The following BICC1 variants were observed in gnomAD, a reference collection of about 807,000 sequenced individuals.
The protein encoded by BICC1 is protein bicaudal C homolog 1.
A neutral mutation model predicts 111.0 loss-of-function variants in BICC1; 43 were observed. The observed-to-expected ratio is 0.39, with a 90% CI of 0.30 to 0.50. The LOEUF (loss-of-function observed/expected upper bound fraction) is 0.50. Ranked by LOEUF, BICC1 falls within the 20% of genes least tolerant of loss-of-function variation. BICC1 has a pLI of 0.88. For missense variants in BICC1, 1,091 were observed against 1,203.2 expected (o/e 0.91, Z 1.38); for synonymous variants, 467 against 434.4 (o/e 1.07, Z -0.93).
intron 3 of BICC1, among the ~76,000 whole-genome samples, chr10:58,738,043 G>T (rs1841530173): frequency 6.6e-6 from 1 of 152,144 alleles, no homozygotes; most frequent in Non-Finnish European, 1.5e-5. Flanking sequence ...TAGGTTGCCT[G>T]TTCACTCTGA....
intron 3 of BICC1, among the ~76,000 whole-genome samples, chr10:58,731,800 T>G (rs933761800): frequency 1.3e-5 from 2 of 151,874 alleles, no homozygotes; most frequent in African/African-American, 4.8e-5. Flanking sequence ...CACTCATTGT[T>G]GTCATGACAG....
At chr10:58,805,519 TTTAAAAAC>T (rs1843684300) in intron 15 of BICC1, among the ~76,000 whole-genome samples, 2 of 152,242 alleles carry the variant, frequency 1.3e-5, no homozygotes, top group East Asian at 3.8e-4. Context: ...AGTCCTAGGA[TTTAAAAAC>T]TTCATCAAAA....
chr10:58,823,770 AAGATGATAAAAC>A (rs1296445921), intron 20 of BICC1: 3 of 985,230 alleles, frequency 3.0e-6, no homozygotes, highest in Non-Finnish European at 3.6e-6. Flanking sequence ...CCCTAGCTTG[AAGATGATAAAAC>A]TTTTCCAGGC....
chr10:58,739,793 A>C (rs1424305313), intron 3 of BICC1, among the ~76,000 whole-genome samples: 1 of 152,190 alleles, frequency 6.6e-6, no homozygotes, highest in Non-Finnish European at 1.5e-5. Context: ...GGAAATAAAA[A>C]ATATTTTAAT....
intron 1 of BICC1, among the ~76,000 whole-genome samples, chr10:58,538,044 C>T (rs2131874575): frequency 6.6e-6 from 1 of 151,934 alleles, no homozygotes; most frequent in Admixed American, 6.6e-5. Flanking sequence ...GACCATACTG[C>T]CCAAAGCAAT....
At chr10:58,547,651 T>C (rs954459262) in intron 1 of BICC1, among the ~76,000 whole-genome samples, 1 of 150,454 alleles carries the variant, frequency 6.6e-6, no homozygotes, top group Admixed American at 6.8e-5. Context: ...TGGTCTCTTC[T>C]CTGTGTATAC....
At chr10:58,627,030 A>T (rs1047851557) in intron 2 of BICC1, among the ~76,000 whole-genome samples, 10 of 152,154 alleles carry the variant, frequency 6.6e-5, no homozygotes, top group African/African-American at 2.2e-4. Context: ...TGAACCTGGG[A>T]GGCAGAGGTT....
At chr10:58,730,264 C>G (rs1451831152) in intron 3 of BICC1, among the ~76,000 whole-genome samples, 1 of 152,222 alleles carries the variant, frequency 6.6e-6, no homozygotes, top group African/African-American at 2.4e-5. Context: ...TCTTAAAGCT[C>G]CAAACAAAAT....
intron 1 of BICC1, among the ~76,000 whole-genome samples, chr10:58,520,242 A>G (rs1324291377): frequency 6.6e-6 from 1 of 152,218 alleles, no homozygotes; most frequent in Non-Finnish European, 1.5e-5. Flanking sequence ...CTTTATATGA[A>G]ATATTTAATA....
At chr10:58,563,703 C>T (rs1236572783) in intron 1 of BICC1, among the ~76,000 whole-genome samples, 1 of 152,168 alleles carries the variant, frequency 6.6e-6, no homozygotes, top group East Asian at 1.9e-4. Context: ...ACTACATGTA[C>T]TTTGAAAATC....
chr10:58,613,623 A>G (rs982602694), intron 1 of BICC1, among the ~76,000 whole-genome samples: 2 of 152,160 alleles, frequency 1.3e-5, no homozygotes, highest in African/African-American at 4.8e-5. Flanking sequence ...CTTCAGATCT[A>G]ACGGTAGCTG....
intron 1 of BICC1, among the ~76,000 whole-genome samples, chr10:58,562,892 C>T (rs2131954561): frequency 6.6e-6 from 1 of 152,224 alleles, no homozygotes; most frequent in African/African-American, 2.4e-5. Flanking sequence ...GCCTCAGTGG[C>T]CTGGGCTGTG....
intron 9 of BICC1, 118 bp from the exon 10 acceptor site, chr10:58,796,222 G>C: frequency 1.2e-6 from 1 of 827,926 alleles, no homozygotes; most frequent in Non-Finnish European, 1.9e-6. Context: ...AAGCAGCATT[G>C]ATATGTCCCC....
intron 1 of BICC1, among the ~76,000 whole-genome samples, chr10:58,589,879 C>T (rs1844551163): frequency 6.6e-6 from 1 of 152,008 alleles, no homozygotes. Flanking sequence ...GGTCATAGTG[C>T]ACTGCAGCCT....
intron 3 of BICC1, among the ~76,000 whole-genome samples, chr10:58,782,230 C>T (rs896016184): frequency 6.6e-5 from 10 of 152,110 alleles, no homozygotes; most frequent in Non-Finnish European, 8.8e-5. Context: ...ATACGAGGCT[C>T]CCTGTCCCTC....
intron 1 of BICC1, among the ~76,000 whole-genome samples, chr10:58,597,180 G>A (rs953648526): frequency 6.6e-6 from 1 of 152,152 alleles, no homozygotes; most frequent in South Asian, 2.1e-4. Context: ...GCCGCCAGGG[G>A]TGACATCACA....
At chr10:58,758,506 C>G (rs1004910185) in intron 3 of BICC1, among the ~76,000 whole-genome samples, 18 of 152,292 alleles carry the variant, frequency 1.2e-4, no homozygotes, top group African/African-American at 4.1e-4. Context: ...TTCTCCTCTT[C>G]CCTATAAGGT....
chr10:58,598,490 C>G (rs1365005413), intron 1 of BICC1, among the ~76,000 whole-genome samples: 2 of 151,960 alleles, frequency 1.3e-5, no homozygotes, highest in Non-Finnish European at 1.5e-5. Flanking sequence ...TTCTTTACAC[C>G]TATACAAAAA....
intron 1 of BICC1, among the ~76,000 whole-genome samples, chr10:58,598,261 C>T (rs1345503638): frequency 1.3e-5 from 2 of 152,016 alleles, no homozygotes; most frequent in Non-Finnish European, 2.9e-5. Flanking sequence ...CAAACTATAC[C>T]ACAAAACGAC....
Sources: allele counts gnomAD v4.1 joint callset (sites outside exome capture counted in the v4.1 genomes callset), GRCh38; gene constraint gnomAD v4.1.1; transcripts MANE v1.5; gene names NCBI Gene and HGNC (gene_info 2026-07-23, HGNC 2026-07-21).